UVRAG: variants seen among roughly 807,000 people sequenced by gnomAD.
UVRAG encodes the protein UV radiation resistance-associated gene protein.
In UVRAG, 19 loss-of-function variants were observed where a neutral mutation model predicts 78.0. The ratio of observed to expected loss-of-function variants is 0.24; its 90% CI spans 0.17 to 0.36. The LOEUF (loss-of-function observed/expected upper bound fraction) is 0.36. Ranked by LOEUF, UVRAG falls within the 10% of genes least tolerant of loss-of-function variation. UVRAG has a pLI of 1.00. For missense variants in UVRAG, 740 were observed against 853.8 expected, an observed-to-expected ratio of 0.87 and a Z score of 1.66; for synonymous variants, 323 against 324.6, an observed-to-expected ratio of 1.00 and a Z score of 0.05.
Position 76,002,471 on chromosome 11 carries a change from C to A in UVRAG, c.827-1534C>A, listed in dbSNP as rs145067629. Among the ~76,000 whole-genome samples the A allele has an allele frequency of 1.6e-3, 245 of 152,098 alleles. 5 individuals carry two copies. The East Asian group carries it at 0.04, about 25-fold the overall frequency. Reference sequence around the variant, plus strand: ...GGACACTCATTTGTGTTTTGAAGACCAGATCTGTCTTTGGTCCCTATTTGT... The same window carrying A: ...GGACACTCATTTGTGTTTTGAAGACAAGATCTGTCTTTGGTCCCTATTTGT... On this transcript the variant is annotated intron_variant, in intron 8 of 14. Coordinates refer to ENST00000356136, the MANE Select transcript of UVRAG (RefSeq NM_003369.4).
chr11:76,060,986 G>A (rs566960655), intron 12 of UVRAG, among the ~76,000 whole-genome samples: 3 of 152,374 alleles, frequency 2.0e-5, no homozygotes, highest in Non-Finnish European at 2.9e-5. Context: ...CTCCACCTGC[G>A]GCCCTGGTGC....
chr11:76,107,430 G>A (rs772935556), intron 13 of UVRAG, among the ~76,000 whole-genome samples: 3 of 152,166 alleles, frequency 2.0e-5, no homozygotes, highest in Non-Finnish European at 4.4e-5. Context: ...AGTGTGACTG[G>A]AAGGAGAAAT....
At chr11:75,975,084 G>A (rs1275396088) in intron 7 of UVRAG, among the ~76,000 whole-genome samples, 1 of 152,154 alleles carries the variant, frequency 6.6e-6, no homozygotes, top group South Asian at 2.1e-4. Flanking sequence ...TCCAGTTTCA[G>A]CTTTTGACAT....
intron 12 of UVRAG, among the ~76,000 whole-genome samples, chr11:76,044,138 A>T (rs1027708952): frequency 6.6e-6 from 1 of 152,146 alleles, no homozygotes; most frequent in Admixed American, 6.5e-5. Context: ...GTCAGTCATT[A>T]TGTAGCCAAC....
chr11:75,961,701 A>C, intron 7 of UVRAG, 152 bp downstream of exon 7: 1 of 574,520 alleles, frequency 1.7e-6, no homozygotes, highest in Non-Finnish European at 2.9e-6. Flanking sequence ...TGTTGGAAAT[A>C]AACTTTCCCA....
At chr11:75,986,238 G>A (rs920135277) in intron 8 of UVRAG, among the ~76,000 whole-genome samples, 6 of 151,984 alleles carry the variant, frequency 3.9e-5, no homozygotes, top group East Asian at 3.9e-4. Flanking sequence ...AAACGTTATC[G>A]AAATAAGATA....
At chr11:76,120,705 T>C (rs1251893150) in intron 14 of UVRAG, among the ~76,000 whole-genome samples, 1 of 152,200 alleles carries the variant, frequency 6.6e-6, no homozygotes, top group Non-Finnish European at 1.5e-5. Context: ...TGCAAAGCAC[T>C]GCAAAATGAA....
chr11:75,896,865 A>G (rs755758755), intron 5 of UVRAG, among the ~76,000 whole-genome samples: 13 of 152,366 alleles, frequency 8.5e-5, no homozygotes, highest in Non-Finnish European at 1.6e-4. Context: ...GTGCAAAAGC[A>G]TTAGACCAGT....
At chr11:75,943,542 CA>C (rs1948527551) in intron 6 of UVRAG, among the ~76,000 whole-genome samples, 1 of 151,978 alleles carries the variant, frequency 6.6e-6, no homozygotes, top group African/African-American at 2.4e-5. Context: ...GCTTTTATGC[CA>C]AATGTGGTTC....
At chr11:76,125,243 C>T (rs528788078) in intron 14 of UVRAG, among the ~76,000 whole-genome samples, 107 of 152,170 alleles carry the variant, frequency 7.0e-4, no homozygotes, top group Non-Finnish European at 8.5e-4. Context: ...TCTTGCAGGC[C>T]GGCACCCCTA....
chr11:76,061,434 C>G (rs1037019086), intron 12 of UVRAG, among the ~76,000 whole-genome samples: 2 of 152,172 alleles, frequency 1.3e-5, no homozygotes, highest in African/African-American at 2.4e-5. Context: ...CCCTTCCACT[C>G]TGTGGAAGCT....
chr11:76,072,311 G>C (rs1951327435), intron 13 of UVRAG, among the ~76,000 whole-genome samples: 1 of 152,100 alleles, frequency 6.6e-6, no homozygotes, highest in Non-Finnish European at 1.5e-5. Context: ...TCCAGTTATG[G>C]GTTTGTAACT....
At chr11:75,883,709 G>T (rs1359223883) in intron 4 of UVRAG, among the ~76,000 whole-genome samples, 1 of 152,200 alleles carries the variant, frequency 6.6e-6, no homozygotes, top group African/African-American at 2.4e-5. Flanking sequence ...AGCTGTGAGA[G>T]TCGTACGGGG....
intron 6 of UVRAG, among the ~76,000 whole-genome samples, chr11:75,936,825 CG>C (rs888907118): frequency 3.5e-4 from 53 of 152,184 alleles, no homozygotes; most frequent in African/African-American, 1.1e-3. Context: ...CCCAGGCTGG[CG>C]TGCAATGGCC....
rs1275515263 is a variant in UVRAG, at chr11:76,141,139, C to G, written c.1826C>G (p.Ala609Gly). The change falls in exon 15 of 15, where the codon GCC (alanine) becomes GGC (glycine). Residue 609 changes from alanine to glycine, a missense_variant. Coordinates refer to ENST00000356136, the MANE Select transcript of UVRAG (RefSeq NM_003369.4). ...TLLPSEQAGS[A>G]SVQLPGEFHP... is the part of the protein sequence containing the mutation. ...CTACCCAGCGAGCAGGCCGGGTCCG[C>G]CAGTGTCCAGCTTCCAGGCGAGTTC... The G allele has an allele frequency of 6.2e-7, 1 of 1,614,030 alleles. No individual in the cohort carries two copies. Among genetic ancestry groups the G allele is most frequent in the Admixed American group, 1.7e-5 (1 of 60,004 alleles).
rs144297394 is a variant in UVRAG at position 76,138,985 on chromosome 11, G to A, written c.1398-1726G>A. Among the ~76,000 whole-genome samples the A allele has an allele frequency of 7.4e-3, 1,123 of 152,308 alleles. 18 individuals carry two copies. Among genetic ancestry groups the A allele is most frequent in the African/African-American group, 0.026 (1,061 of 41,564 alleles). ...AACATATTAACTATAAACCTAGATC[G>A]AGGCCAGCAGATTTTGCCCTGTTTT... On this transcript the variant is annotated intron_variant, in intron 14 of 14. Coordinates refer to ENST00000356136, the MANE Select transcript of UVRAG (RefSeq NM_003369.4).
chr11:76,076,224 T>G (rs1951401634), intron 13 of UVRAG, among the ~76,000 whole-genome samples: 1 of 152,232 alleles, frequency 6.6e-6, no homozygotes, highest in South Asian at 2.1e-4. Context: ...ACAAAGGTTC[T>G]GTATTAGTCT....
intron 11 of UVRAG, among the ~76,000 whole-genome samples, chr11:76,013,888 C>T (rs1950098509): frequency 6.6e-6 from 1 of 152,136 alleles, no homozygotes; most frequent in African/African-American, 2.4e-5. Flanking sequence ...AAATCTAACA[C>T]CACAGTGTTT....
chr11:76,012,029 T>C (rs143857031), intron 11 of UVRAG, among the ~76,000 whole-genome samples: 1 of 152,184 alleles, frequency 6.6e-6, no homozygotes, highest in African/African-American at 2.4e-5. Flanking sequence ...AGTAGAAATA[T>C]AGTAACATAG....
Sources: gnomAD v4.1 joint callset for allele counts (sites outside exome capture counted in the v4.1 genomes callset) on GRCh38, gnomAD v4.1.1 for gene constraint, MANE v1.5 for transcripts, NCBI Gene and HGNC (gene_info 2026-07-23, HGNC 2026-07-21) for gene names.